The following ABRAXAS1 variants were observed in gnomAD, a reference collection of about 807,000 sequenced individuals.
ABRAXAS1 encodes abraxas 1, BRCA1 A complex subunit.
Under a neutral mutation model 38.4 loss-of-function variants are expected in ABRAXAS1, and 26 were observed. The ratio of observed to expected loss-of-function variants is 0.68; its 90% CI spans 0.50 to 0.94. ABRAXAS1 has a LOEUF of 0.94. ABRAXAS1 is among the 40% of genes least tolerant of loss of function. ABRAXAS1 has a pLI of 0.00. For missense variants in ABRAXAS1, 438 were observed against 481.9 expected (o/e 0.91, Z 0.85); for synonymous variants, 144 against 165.5 (o/e 0.87, Z 1.00).
chr4:83,470,190 G>A lies in ABRAXAS1; in HGVS notation c.476+13C>T. On this transcript the variant is annotated intron_variant, in intron 5 of 8. Transcript: ENST00000321945. ...TATTAGTTTAATACAGCCAGTGACT[G>A]GCCAACATTTACCCTTTTTGAGGTT... is the stretch of plus-strand genomic sequence containing the variant. The A allele has an allele frequency of 6.3e-7, 1 of 1,595,728 alleles. No homozygotes were observed. The highest frequency in any genetic ancestry group is 1.1e-5 in the South Asian group (1 of 88,678).
At chr4:83,475,865 A>AAGTG (rs1180887468) in intron 3 of ABRAXAS1, among the ~76,000 whole-genome samples, 2 of 152,224 alleles carry the variant, frequency 1.3e-5, no homozygotes, top group Non-Finnish European at 2.9e-5. Flanking sequence ...CTGTAGGACT[A>AAGTG]AGTGCAAGCA....
rs587780265 is a variant in ABRAXAS1 at position 83,472,271 on chromosome 4, C to T, written c.233G>A (p.Gly78Asp). 4.6e-6 allele frequency: 7 copies of T among 1,519,456 alleles called. No individual in the cohort carries two copies. The highest frequency in any genetic ancestry group is 5.3e-6 in the Non-Finnish European group (6 of 1,133,016). The allele number at this position is 1,519,456 out of a possible 1,614,324, so 94.1% of individuals were successfully genotyped here. ...CTTCAGTGCTTGCTCATTTACTTCG[C>T]CTGAAGAATTATAAAAGCTGTAAAA... ...YQLFSFYNSS[G>D]EVNEQALKKI... Residue 78 changes from glycine (G) to aspartate (D), a missense_variant, in exon 4 of 9, where the codon GGC (glycine) becomes GAC (aspartate). Coordinates refer to ENST00000321945, the MANE Select transcript of ABRAXAS1 (RefSeq NM_139076.3).
intron 2 of ABRAXAS1, among the ~76,000 whole-genome samples, chr4:83,480,913 T>C (rs1314653222): frequency 2.6e-5 from 4 of 152,120 alleles, no homozygotes; most frequent in African/African-American, 9.7e-5. Flanking sequence ...AGTGGATCAC[T>C]TGAAGTCAGG....
chr4:83,465,940 T>C (rs1331594450), intron 7 of ABRAXAS1, among the ~76,000 whole-genome samples: 1 of 152,234 alleles, frequency 6.6e-6, no homozygotes, highest in Admixed American at 6.5e-5. Context: ...GGAAATATAC[T>C]CCTTAGTAAG....
At chr4:83,465,986 C>T (rs1368962284) in intron 7 of ABRAXAS1, among the ~76,000 whole-genome samples, 1 of 152,162 alleles carries the variant, frequency 6.6e-6, no homozygotes, top group African/African-American at 2.4e-5. Flanking sequence ...GACTTAACAG[C>T]CCCAGCTTTG....
chr4:83,469,240 G>C, intron 5 of ABRAXAS1, 89 bp from the exon 6 acceptor site: 2 of 1,177,986 alleles, frequency 1.7e-6, no homozygotes, highest in Non-Finnish European at 2.4e-6. Flanking sequence ...TCCCCTACAA[G>C]ATTTAAAAAA....
chr4:83,462,868 G>A lies in ABRAXAS1; in HGVS notation c.831C>T (p.Asn277=), dbSNP rs181090081. 2 of 1,598,590 alleles carry A rather than the reference G, an allele frequency of 1.3e-6. No individual in the cohort carries two copies. The highest frequency in any genetic ancestry group is 2.7e-5 in the African/African-American group (2 of 74,336). Residue 277 remains asparagine, a synonymous_variant, in exon 9 of 9, where the codon AAC becomes AAT. Transcript: ENST00000321945. ...TCCGTAATGCCTGACAAAGAAAAAT[G>A]TTCTCCTGAGGGTCTTTTTGGATGT... is the stretch of plus-strand genomic sequence containing the variant. ...EKNIQKDPQE[N]IFLCQALRTF... is the part of the protein sequence containing the mutation.
chr4:83,464,164 G>T (rs566510998), intron 7 of ABRAXAS1, among the ~76,000 whole-genome samples: 286 of 152,304 alleles, frequency 1.9e-3, no homozygotes, highest in Middle Eastern at 0.014. Context: ...TCCAGCCTGG[G>T]CGACAGAGTG....
At position 83,462,918 on chromosome 4, in the gene ABRAXAS1, T is replaced by A. The variant is rs764519926; in HGVS notation, c.797-16A>T. On this transcript the variant is annotated splice_polypyrimidine_tract_variant and intron_variant, in intron 8 of 8. Coordinates refer to ENST00000321945, the MANE Select transcript of ABRAXAS1 (RefSeq NM_139076.3). ...TTCTTCTCTCCTAAACAAAATAGAATAACAGTTCAACATATAACATTTCTT... is the reference window on the plus strand; with the variant it reads ...TTCTTCTCTCCTAAACAAAATAGAAAAACAGTTCAACATATAACATTTCTT... 6.7e-7 allele frequency: 1 copy of A among 1,497,310 alleles called. No homozygotes were observed. The highest frequency in any genetic ancestry group is 9.0e-7 in the Non-Finnish European group (1 of 1,111,906). The allele number at this position is 1,497,310 out of a possible 1,614,324, so 92.8% of individuals were successfully genotyped here. A position where few individuals can be genotyped will look rare whatever the true frequency, so the allele number is the denominator to read the frequency against.
intron 2 of ABRAXAS1, chr4:83,477,843 CT>C: frequency 1.3e-6 from 1 of 773,484 alleles, no homozygotes; most frequent in Non-Finnish European, 2.3e-6. Flanking sequence ...AAGCAATTAT[CT>C]GTAGAACGTT....
At chr4:83,469,234 C>T in intron 5 of ABRAXAS1, 83 bp from the exon 6 acceptor site, 1 of 1,237,792 alleles carries the variant, frequency 8.1e-7, no homozygotes, top group Non-Finnish European at 1.2e-6. Flanking sequence ...TACTTGTCCC[C>T]TACAAGATTT....
intron 5 of ABRAXAS1, 133 bp downstream of exon 5, chr4:83,470,070 A>T: frequency 1.7e-6 from 1 of 602,138 alleles, no homozygotes; most frequent in Non-Finnish European, 2.8e-6. Context: ...AGATGGTAAG[A>T]TCTACTTCTG....
chr4:83,474,750 G>A (rs1251264086), intron 3 of ABRAXAS1, among the ~76,000 whole-genome samples: 1 of 151,356 alleles, frequency 6.6e-6, no homozygotes, highest in Non-Finnish European at 1.5e-5. Context: ...GTCTCAGATC[G>A]AGGGCCACAT....
At chr4:83,472,985 T>C (rs1722636994) in intron 3 of ABRAXAS1, among the ~76,000 whole-genome samples, 1 of 152,214 alleles carries the variant, frequency 6.6e-6, no homozygotes, top group Non-Finnish European at 1.5e-5. Context: ...AAATCCTTTA[T>C]AAATAATTTT....
chr4:83,475,542 C>A (rs1722734096), intron 3 of ABRAXAS1, among the ~76,000 whole-genome samples: 1 of 152,150 alleles, frequency 6.6e-6, no homozygotes, highest in African/African-American at 2.4e-5. Flanking sequence ...CTCCTGAGCT[C>A]AAGTGATCCT....
At chr4:83,471,211 TTTTTTTTTTTTTGA>T (rs1195613359) in intron 4 of ABRAXAS1, among the ~76,000 whole-genome samples, 1 of 126,748 alleles carries the variant, frequency 7.9e-6, no homozygotes, top group Non-Finnish European at 1.7e-5. Context: ...TTTTTTTTTT[TTTTTTTTTTTTTGA>T]GACAGTCTGG....
chr4:83,483,969 G>C, intron 1 of ABRAXAS1: 1 of 944,510 alleles, frequency 1.1e-6, no homozygotes, highest in Non-Finnish European at 1.3e-6. Context: ...AAGGTTATCT[G>C]AAATTGTATA....
intron 3 of ABRAXAS1, among the ~76,000 whole-genome samples, chr4:83,474,259 C>A (rs1239126806): frequency 6.6e-6 from 1 of 152,082 alleles, no homozygotes; most frequent in East Asian, 1.9e-4. Context: ...TCTGAGGTAA[C>A]CAAATCAGTG....
rs1722419123 is a variant in ABRAXAS1, at chr4:83,467,549, T to C, written c.597-11A>G. 2 of 1,395,448 alleles carry C rather than the reference T, an allele frequency of 1.4e-6. No homozygotes were observed. Among genetic ancestry groups the C allele is most frequent in the Middle Eastern group, 1.8e-4 (1 of 5,628 alleles). The allele number at this position is 1,395,448 out of a possible 1,614,324, so 86.4% of individuals were successfully genotyped here. On this transcript the variant is annotated splice_polypyrimidine_tract_variant and intron_variant, in intron 6 of 8. Coordinates refer to ENST00000321945, the MANE Select transcript of ABRAXAS1 (RefSeq NM_139076.3). ...TCAAAAAATTTAGAGCTGTAAAAAA[T>C]TACCATTTCCTCAGGCAAATACACA...
Sources: gnomAD v4.1 joint callset for allele counts (sites outside exome capture counted in the v4.1 genomes callset) on GRCh38, gnomAD v4.1.1 for gene constraint, MANE v1.5 for transcripts, NCBI Gene and HGNC (gene_info 2026-07-23, HGNC 2026-07-21) for gene names.